LONP1: variants seen among roughly 807,000 people sequenced by gnomAD.
LONP1 encodes the protein lon protease homolog, mitochondrial.
LONP1 carries 31 observed loss-of-function variants against 98.5 expected under a neutral mutation model. The observed-to-expected ratio is 0.31, with a 90% CI of 0.24 to 0.42. The LOEUF (loss-of-function observed/expected upper bound fraction) is 0.42. Ranked by LOEUF, LONP1 falls within the 20% of genes least tolerant of loss-of-function variation. The probability of loss-of-function intolerance (pLI) is 1.00; values close to 1 mark genes in which losing one functional copy is unlikely to be tolerated. For missense variants in LONP1, 1,336 were observed against 1,350.6 expected (o/e 0.99, Z 0.17); for synonymous variants, 781 against 594.7 (o/e 1.31, Z -4.56).
rs748543089 is a variant in LONP1, at chr19:5,707,735, C to T, written c.1024G>A (p.Glu342Lys). 5.6e-6 allele frequency: 9 copies of T among 1,613,140 alleles called. No homozygotes were observed. The highest frequency in any genetic ancestry group is 1.1e-5 in the South Asian group (1 of 91,058). The change falls in exon 6 of 18, where the codon GAG (glutamate) becomes AAG (lysine). Residue 342 changes from glutamate (E) to lysine (K), a missense_variant. Physicochemically the swap from Glu to Lys is moderately conservative, Grantham distance 56. Coordinates refer to ENST00000360614, the MANE Select transcript of LONP1 (RefSeq NM_004793.4). ...SDMGAALTGA[E>K]SHELQDVLEE... ...AGGACGTCCTGCAGCTCATGGGACT[C>T]GGCCCCGGTGAGCGCGGCGCCCATG... is the stretch of plus-strand genomic sequence containing the variant.
intron 2 of LONP1, among the ~76,000 whole-genome samples, chr19:5,713,578 T>C (rs1246438006): frequency 1.3e-5 from 2 of 152,126 alleles, no homozygotes; most frequent in African/African-American, 2.4e-5. Context: ...CTTTTTTTCT[T>C]GAGATGGAGT....
At chr19:5,702,850 A>T (rs2055080067) in intron 8 of LONP1, among the ~76,000 whole-genome samples, 1 of 151,032 alleles carries the variant, frequency 6.6e-6, no homozygotes, top group Non-Finnish European at 1.5e-5. Flanking sequence ...ACCACTCCCT[A>T]ATCTCAAGTA....
At chr19:5,697,425 C>T (rs894762874) in intron 10 of LONP1, among the ~76,000 whole-genome samples, 12 of 150,600 alleles carry the variant, frequency 8.0e-5, no homozygotes, top group African/African-American at 2.7e-4. Flanking sequence ...GGACACAGCC[C>T]GTGCAAAGGC....
rs780645564 is a variant in LONP1 at position 5,719,836 on chromosome 19, G to A, written c.297C>T (p.Gly99=). 11 of 1,608,080 alleles carry A rather than the reference G, an allele frequency of 6.8e-6. 1 individual carries two copies. In the South Asian group the frequency reaches 1.1e-4, roughly 16 times the overall value. Residue 99 remains glycine, a synonymous_variant, in exon 1 of 18, where the codon GGC becomes GGT. Transcript: ENST00000360614. ...CCGGGCCTTCCCCGGCGCCCGCGCTGCCCCCCGCGCCGCCGGCTCCTTCCT... is the reference window on the plus strand; with the variant it reads ...CCGGGCCTTCCCCGGCGCCCGCGCTACCCCCCGCGCCGCCGGCTCCTTCCT... ...GAEEGAGGAG[G]SAGAGEGPVI... is the part of the protein sequence containing the mutation.
At chr19:5,701,535 G>A (rs1443509601) in intron 8 of LONP1, among the ~76,000 whole-genome samples, 1 of 152,220 alleles carries the variant, frequency 6.6e-6, no homozygotes, top group Non-Finnish European at 1.5e-5. Context: ...GTTTCACTGT[G>A]TTGGCCGGGC....
In LONP1 at chr19:5,711,955, G is replaced by GCCTCCGGCTCCTCGGGCTCCA. The variant is rs1460998891; in HGVS notation, c.665_685dup (p.Val222_Glu228dup). ...CCTGCGGGGCTTGTGCTTGTTCTCC[G>GCCTCCGGCTCCTCGGGCTCCA]CCTCCGGCTCCTCGGGCTCCACCTC... is the stretch of plus-strand genomic sequence containing the variant. On this transcript the variant is annotated inframe_insertion, in exon 4 of 18. Coordinates refer to ENST00000360614, the MANE Select transcript of LONP1 (RefSeq NM_004793.4). The GCCTCCGGCTCCTCGGGCTCCA allele has an allele frequency of 4.3e-6, 7 of 1,613,182 alleles. No individual in the cohort carries two copies. The African/African-American group carries it at 9.3e-5, about 22-fold the overall frequency.
intron 17 of LONP1, among the ~76,000 whole-genome samples, chr19:5,692,465 G>A (rs936292082): frequency 4.6e-5 from 7 of 152,150 alleles, no homozygotes; most frequent in African/African-American, 7.2e-5. Flanking sequence ...AAGTCTGGCC[G>A]TGCGGTGGGA....
intron 13 of LONP1, among the ~76,000 whole-genome samples, chr19:5,695,518 C>T (rs978632352): frequency 1.3e-5 from 2 of 152,192 alleles, no homozygotes; most frequent in African/African-American, 4.8e-5. Flanking sequence ...GCATTGAAGC[C>T]CCCAGGGGAC....
At chr19:5,714,010 G>A (rs538038999) in intron 2 of LONP1, among the ~76,000 whole-genome samples, 173 bp downstream of exon 2, 2 of 152,312 alleles carry the variant, frequency 1.3e-5, no homozygotes, top group East Asian at 1.9e-4. Context: ...TACAAGCTGA[G>A]TTCTCAGCCC....
chr19:5,708,592 G>A (rs1016745036), intron 4 of LONP1, 189 bp from the exon 5 acceptor site: 4 of 409,476 alleles, frequency 9.8e-6, no homozygotes, highest in Non-Finnish European at 1.9e-5. Context: ...CCAGTCCCAG[G>A]GACACAGGAC....
intron 8 of LONP1, among the ~76,000 whole-genome samples, chr19:5,704,397 G>A (rs1166094353): frequency 6.6e-6 from 1 of 152,190 alleles, no homozygotes; most frequent in Non-Finnish European, 1.5e-5. Flanking sequence ...GGAAGCCACA[G>A]CCTTCGCGCG....
intron 10 of LONP1, among the ~76,000 whole-genome samples, chr19:5,697,530 AG>A (rs1487574606): frequency 4.3e-5 from 5 of 115,228 alleles, no homozygotes; most frequent in African/African-American, 6.7e-5. Context: ...GAGGGAGGAG[AG>A]GGGGAAGAGG....
rs751455022 is a variant in LONP1, at chr19:5,711,920, G to T, written c.721C>A (p.Arg241=). 4 of 1,613,144 alleles carry T rather than the reference G, an allele frequency of 2.5e-6. No individual in the cohort carries two copies. The Admixed American group carries it at 5.0e-5, about 20-fold the overall frequency. The change falls in exon 4 of 18, where the codon CGG becomes AGG. Residue 241 remains arginine (R), a synonymous_variant. Coordinates refer to ENST00000360614, the MANE Select transcript of LONP1 (RefSeq NM_004793.4). ...TCGTCCTCCGCCTCCTTCTTGCCCC[G>T]CTTTGACTTCCTGCGGGGCTTGTGC... ...NKHKPRRKSK[R]GKKEAEDELS... is the part of the protein sequence containing the mutation.
In LONP1 at chr19:5,705,909, C is replaced by T; in HGVS notation, c.1230G>A (p.Glu410=). The change falls in exon 8 of 18, where the codon GAG becomes GAA. Residue 410 remains glutamate, a synonymous_variant. Coordinates refer to ENST00000360614, the MANE Select transcript of LONP1 (RefSeq NM_004793.4). ...CCTCGATGGCATCCTTGTCGTCCTT[C>T]TCCAGGCCCAGCTCCTTCTTGATGA... is the stretch of plus-strand genomic sequence containing the variant. The part of the protein sequence containing the change: ...LKIIKKELGL[E]KDDKDAIEEK... 2.5e-6 allele frequency: 4 copies of T among 1,614,168 alleles called. No individual in the cohort carries two copies. The highest frequency in any genetic ancestry group is 3.4e-6 in the Non-Finnish European group (4 of 1,180,024).
chr19:5,715,598 C>T (rs1326447158), intron 1 of LONP1, among the ~76,000 whole-genome samples: 4 of 127,416 alleles, frequency 3.1e-5, no homozygotes, highest in East Asian at 2.3e-4. Context: ...GCCAAGATCA[C>T]GCCACTGCAC....
At position 5,718,457 on chromosome 19, in the gene LONP1, G is replaced by A. The variant is rs184464333; in HGVS notation, c.429+1247C>T. ...CGCGCCACTGCACTTTAGCCTAGAT[G>A]ACAGAGTGCAACTTGGTCTCAAAAA... is the stretch of plus-strand genomic sequence containing the variant. On this transcript the variant is annotated intron_variant, in intron 1 of 17. Transcript: ENST00000360614. 2.4e-3 allele frequency among the ~76,000 whole-genome samples: 348 copies of A among 147,002 alleles called. 1 individual carries two copies. Among genetic ancestry groups the A allele is most frequent in the African/African-American group, 8.6e-3 (342 of 39,590 alleles).
chr19:5,718,646 G>T (rs975047269), intron 1 of LONP1, among the ~76,000 whole-genome samples: 6 of 151,894 alleles, frequency 4.0e-5, no homozygotes, highest in Non-Finnish European at 1.5e-5. Context: ...GCGTGACCTT[G>T]CTCTGCCAGT....
intron 5 of LONP1, chr19:5,708,123 TCAG>T (rs2055177294): frequency 3.3e-6 from 2 of 614,834 alleles, no homozygotes; most frequent in East Asian, 2.8e-5. Context: ...GCTTCCGGCC[TCAG>T]CAGAAGGGGA....
rs1194867633 is a variant in LONP1, at chr19:5,691,998, C to CTGACATCCAGTTCTGGCCCAGACAGGGCA, written c.*33_*34insTGCCCTGTCTGGGCCAGAACTGGATGTCA. ...CGCTCAGTTCTGGCCCAGACAGGGC[C>CTGACATCCAGTTCTGGCCCAGACAGGGCA]TGACATCCGCCGCCTGCAGTCCCGG... On this transcript the variant is annotated 3_prime_UTR_variant, in exon 18 of 18. Transcript: ENST00000360614. The CTGACATCCAGTTCTGGCCCAGACAGGGCA allele has an allele frequency of 6.3e-7, 1 of 1,593,464 alleles. No homozygotes were observed. Among genetic ancestry groups the CTGACATCCAGTTCTGGCCCAGACAGGGCA allele is most frequent in the Non-Finnish European group, 8.6e-7 (1 of 1,168,882 alleles).
Sources: allele counts gnomAD v4.1 joint callset (sites outside exome capture counted in the v4.1 genomes callset), GRCh38; gene constraint gnomAD v4.1.1; transcripts MANE v1.5; gene names NCBI Gene and HGNC (gene_info 2026-07-23, HGNC 2026-07-21).